Variants in PRR23E observed in about 807,000 individuals in gnomAD.
PRR23E encodes PRR23 family member E.
chr3:127,197,457 T>G, the PRR23E span: 18 of 1,456,292 alleles, frequency 1.2e-5, 1 homozygote, highest in South Asian at 2.7e-4. Flanking sequence ...CAGAGACATG[T>G]CTGGTGGAGC....
At chr3:127,196,514 G>A in the PRR23E span, 26 of 1,026,988 alleles carry the variant, frequency 2.5e-5, no homozygotes, top group Non-Finnish European at 3.3e-5. Flanking sequence ...CTCACCCCCA[G>A]CTGTCCCCCT....
At chr3:127,195,413 C>G in the PRR23E span, among the ~76,000 whole-genome samples, 1 of 152,114 alleles carries the variant, frequency 6.6e-6, no homozygotes, top group Non-Finnish European at 1.5e-5. Flanking sequence ...TTCTGGCAGG[C>G]ACTCCGGGGC....
At chr3:127,196,640 C>G in the PRR23E span, 1 of 1,524,854 alleles carries the variant, frequency 6.6e-7, no homozygotes, top group Non-Finnish European at 8.8e-7. Context: ...CAGAGGAGTG[C>G]ACTTGCCAGA....
At chr3:127,197,395 G>A in the PRR23E span, 11 of 1,556,852 alleles carry the variant, frequency 7.1e-6, no homozygotes, top group East Asian at 6.8e-5. Flanking sequence ...AGGGCCCGCC[G>A]CCGCCTCTTT....
the PRR23E span, chr3:127,196,451 C>T: frequency 5.0e-6 from 3 of 601,128 alleles, no homozygotes; most frequent in Non-Finnish European, 8.4e-6. Flanking sequence ...CTACCCAGGA[C>T]ACCTTGCTCC....
the PRR23E span, chr3:127,197,122 GC>G: frequency 6.3e-7 from 1 of 1,597,964 alleles, no homozygotes. Flanking sequence ...CCCACTCTGG[GC>G]GGGGCCACCT....
chr3:127,197,277 G>A, the PRR23E span: 1 of 1,599,370 alleles, frequency 6.3e-7, no homozygotes, highest in South Asian at 1.1e-5. Flanking sequence ...CGGTATTTGG[G>A]CACCTTTGCC....
At chr3:127,197,321 T>G in the PRR23E span, 1 of 1,598,070 alleles carries the variant, frequency 6.3e-7, no homozygotes, top group South Asian at 1.1e-5. Context: ...CTCTGCCCCC[T>G]TCCCCCATTG....
Sources: allele counts gnomAD v4.1 joint callset (sites outside exome capture counted in the v4.1 genomes callset), GRCh38; gene constraint gnomAD v4.1.1; transcripts MANE v1.5; gene names NCBI Gene and HGNC (gene_info 2026-07-23, HGNC 2026-07-21).